CACNA1E: variants seen among roughly 807,000 people sequenced by gnomAD.
CACNA1E encodes calcium voltage-gated channel subunit alpha1 E.
CACNA1E carries 40 observed loss-of-function variants against 259.2 expected under a neutral mutation model. The observed-to-expected ratio is 0.15, with a 90% CI of 0.12 to 0.20. The LOEUF is 0.20. CACNA1E is among the 10% of genes least tolerant of loss of function. CACNA1E has a pLI of 1.00. For synonymous variants in CACNA1E, 1,104 were observed against 1,138.5 expected, an observed-to-expected ratio of 0.97 and a Z score of 0.61; for missense variants, 1,874 against 3,040.1, an observed-to-expected ratio of 0.62 and a Z score of 9.02.
At chr1:181,406,015 G>A (rs1268196508) in intron 1 of CACNA1E, among the ~76,000 whole-genome samples, 3 of 152,204 alleles carry the variant, frequency 2.0e-5, no homozygotes, top group Non-Finnish European at 4.4e-5. Context: ...AGGCAGAGTT[G>A]TGTAGTTGCA....
intron 6 of CACNA1E, among the ~76,000 whole-genome samples, chr1:181,616,708 A>G (rs1448651335): frequency 6.6e-6 from 1 of 152,124 alleles, no homozygotes; most frequent in Non-Finnish European, 1.5e-5. Context: ...GCAAGACTCC[A>G]TCTCAAAAAA....
At chr1:181,780,885 G>A (rs921139509) in intron 38 of CACNA1E, among the ~76,000 whole-genome samples, 8 of 152,126 alleles carry the variant, frequency 5.3e-5, no homozygotes, top group African/African-American at 1.7e-4. Context: ...GGGGATACAC[G>A]ACGTTCTGCC....
chr1:181,500,170 G>T (rs1665121296), intron 1 of CACNA1E, among the ~76,000 whole-genome samples: 1 of 152,222 alleles, frequency 6.6e-6, no homozygotes. Context: ...TTGAGCAAGT[G>T]ACTAAGAGTT....
chr1:181,609,558 C>T (rs1481517603), intron 6 of CACNA1E, among the ~76,000 whole-genome samples: 2 of 152,000 alleles, frequency 1.3e-5, no homozygotes, highest in Admixed American at 6.6e-5. Flanking sequence ...AAAGGCACAC[C>T]GGTTTCAGTG....
At chr1:181,481,127 A>C (rs1487049412), upstream of CACNA1E, among the ~76,000 whole-genome samples, 2 of 152,130 alleles carry the variant, frequency 1.3e-5, no homozygotes, top group Non-Finnish European at 2.9e-5. Flanking sequence ...AGGTATTCAG[A>C]CAGAAGAGGA....
intron 1 of CACNA1E, among the ~76,000 whole-genome samples, chr1:181,398,098 CCT>C (rs1656821102): frequency 6.6e-6 from 1 of 152,240 alleles, no homozygotes; most frequent in South Asian, 2.1e-4. Context: ...GTTGCTTCAA[CCT>C]CTGTCTCTTC....
intron 2 of CACNA1E, among the ~76,000 whole-genome samples, chr1:181,448,939 G>T (rs563981050): frequency 1.3e-5 from 2 of 152,252 alleles, no homozygotes; most frequent in South Asian, 2.1e-4. Flanking sequence ...CAGCCAGCAC[G>T]GTTGACTGGC....
chr1:181,324,127 G>T (rs191381009), intron 1 of CACNA1E, among the ~76,000 whole-genome samples: 1 of 152,304 alleles, frequency 6.6e-6, no homozygotes, highest in East Asian at 1.9e-4. Flanking sequence ...CTGAGGTCCT[G>T]TTCTGGGCCA....
At chr1:181,593,623 C>T (rs1178366738) in intron 6 of CACNA1E, among the ~76,000 whole-genome samples, 1 of 152,126 alleles carries the variant, frequency 6.6e-6, no homozygotes, top group East Asian at 1.9e-4. Flanking sequence ...ACTGCAACCT[C>T]CTCCGCTCGG....
chr1:181,515,106 G>A (rs186193507), intron 3 of CACNA1E, among the ~76,000 whole-genome samples: 1 of 151,966 alleles, frequency 6.6e-6, no homozygotes, highest in African/African-American at 2.4e-5. Context: ...CAACCCCAAG[G>A]GCCCCATGGT....
intron 6 of CACNA1E, among the ~76,000 whole-genome samples, chr1:181,586,592 G>C (rs529169254): frequency 1.3e-5 from 2 of 152,178 alleles, no homozygotes; most frequent in South Asian, 4.1e-4. Context: ...ATAAAGTAGA[G>C]GATGATCAAG....
intron 1 of CACNA1E, among the ~76,000 whole-genome samples, chr1:181,347,812 G>GT: frequency 6.6e-6 from 1 of 152,394 alleles, no homozygotes; most frequent in Non-Finnish European, 1.5e-5. Flanking sequence ...TTTTCTGAGT[G>GT]TTGTGCCCTA....
chr1:181,415,357 C>T (rs1658185205), intron 2 of CACNA1E, among the ~76,000 whole-genome samples: 1 of 152,026 alleles, frequency 6.6e-6, no homozygotes, highest in Non-Finnish European at 1.5e-5. Context: ...GGGGTGCTGG[C>T]GGGGATGATT....
intron 6 of CACNA1E, among the ~76,000 whole-genome samples, chr1:181,583,279 A>G (rs528456196): frequency 6.6e-6 from 1 of 152,272 alleles, no homozygotes; most frequent in East Asian, 1.9e-4. Flanking sequence ...CACCACAACC[A>G]CCACCAATAA....
At chr1:181,334,813 G>T (rs920749780) in intron 1 of CACNA1E, among the ~76,000 whole-genome samples, 1 of 152,148 alleles carries the variant, frequency 6.6e-6, no homozygotes, top group African/African-American at 2.4e-5. Flanking sequence ...GAGTCAGGGG[G>T]TCTCACTCCT....
chr1:181,402,983 G>T (rs1222110033), intron 1 of CACNA1E, among the ~76,000 whole-genome samples: 1 of 152,062 alleles, frequency 6.6e-6, no homozygotes, highest in Non-Finnish European at 1.5e-5. Flanking sequence ...CCAATAGGTT[G>T]GTTAATAAAC....
At position 181,719,987 on chromosome 1, in the gene CACNA1E, C is replaced by T. The variant is rs544764078; in HGVS notation, c.1751+124C>T. ...AAAGTATCCCTTCCCTGCCCCACCCCTTTTCTATTCTTTAGCTCTTCCTTT... is the reference window on the plus strand; with the variant it reads ...AAAGTATCCCTTCCCTGCCCCACCCTTTTTCTATTCTTTAGCTCTTCCTTT... On this transcript the variant is annotated intron_variant, in intron 13 of 47. Coordinates refer to ENST00000367573, the MANE Select transcript of CACNA1E (RefSeq NM_001205293.3). 5 of 743,774 alleles carry T rather than the reference C, an allele frequency of 6.7e-6. No homozygotes were observed. In the African/African-American group the frequency reaches 8.9e-5, roughly 13 times the overall value. 46.1% of individuals were successfully genotyped at this position (743,774 alleles called of 1,614,324 possible). A position where few individuals can be genotyped will look rare whatever the true frequency, so the allele number is the denominator to read the frequency against.
rs113705902 is a variant in CACNA1E, at chr1:181,597,609, G to A, written c.951+16833G>A. On this transcript the variant is annotated intron_variant, in intron 6 of 47. Coordinates refer to ENST00000367573, the MANE Select transcript of CACNA1E (RefSeq NM_001205293.3). Reference sequence around the variant, plus strand: ...GTGACTGCCTCGAAGGTGATGGATCGGTCCTCATTTGATAAATGAGGCACT... The same window carrying A: ...GTGACTGCCTCGAAGGTGATGGATCAGTCCTCATTTGATAAATGAGGCACT... Among the ~76,000 whole-genome samples, 488 of 152,228 alleles carry A rather than the reference G, an allele frequency of 3.2e-3. 1 individual carries two copies. Among genetic ancestry groups the A allele is most frequent in the African/African-American group, 0.01 (423 of 41,538 alleles).
intron 1 of CACNA1E, among the ~76,000 whole-genome samples, chr1:181,377,328 G>T (rs1655172592): frequency 6.6e-6 from 1 of 152,202 alleles, no homozygotes; most frequent in Non-Finnish European, 1.5e-5. Flanking sequence ...CTAAGTGGAG[G>T]TGATTGTGTG....
Sources: allele counts gnomAD v4.1 joint callset (sites outside exome capture counted in the v4.1 genomes callset), GRCh38; gene constraint gnomAD v4.1.1; transcripts MANE v1.5; gene names NCBI Gene and HGNC (gene_info 2026-07-23, HGNC 2026-07-21).